NTN1: variants seen among roughly 807,000 people sequenced by gnomAD.
NTN1 encodes netrin-1.
Under a neutral mutation model 54.2 loss-of-function variants are expected in NTN1, and 11 were observed. That is an observed-to-expected ratio of 0.20 (90% CI 0.13 to 0.34). The LOEUF (loss-of-function observed/expected upper bound fraction) is 0.34, where lower values mean the gene tolerates loss of function less well. NTN1 is among the 10% of genes least tolerant of loss of function. The pLI is 1.00. For synonymous variants in NTN1, 371 were observed against 382.0 expected (o/e 0.97, Z 0.33); for missense variants, 740 against 893.1 (o/e 0.83, Z 2.18).
chr17:9,150,959 C>T (rs983803853), intron 2 of NTN1, among the ~76,000 whole-genome samples: 2 of 152,206 alleles, frequency 1.3e-5, no homozygotes, highest in African/African-American at 2.4e-5. Flanking sequence ...ATCCTTAATC[C>T]TGCCCGTGGT....
At chr17:9,073,367 C>T (rs981244931) in intron 2 of NTN1, among the ~76,000 whole-genome samples, 10 of 152,186 alleles carry the variant, frequency 6.6e-5, no homozygotes, top group African/African-American at 1.7e-4. Flanking sequence ...CAAGTCCCCA[C>T]GAGAGTTCTC....
chr17:9,051,993 G>A (rs2091962058), intron 2 of NTN1, among the ~76,000 whole-genome samples: 2 of 150,704 alleles, frequency 1.3e-5, no homozygotes, highest in Non-Finnish European at 2.9e-5. Flanking sequence ...GTGTTTTGAC[G>A]CGGAGTTTCG....
At chr17:9,101,187 C>T (rs960311487) in intron 2 of NTN1, among the ~76,000 whole-genome samples, 13 of 152,176 alleles carry the variant, frequency 8.5e-5, no homozygotes, top group Admixed American at 3.9e-4. Context: ...TCCATGTCTG[C>T]GACCCTAAGA....
intron 5 of NTN1, among the ~76,000 whole-genome samples, chr17:9,213,065 G>A (rs895142242): frequency 2.6e-5 from 4 of 152,234 alleles, no homozygotes; most frequent in Non-Finnish European, 5.9e-5. Context: ...TGGGCCTGCA[G>A]GCCACCTCTT....
At chr17:9,031,904 T>G (rs2091889382) in intron 2 of NTN1, among the ~76,000 whole-genome samples, 1 of 151,652 alleles carries the variant, frequency 6.6e-6, no homozygotes, top group African/African-American at 2.4e-5. Context: ...GAGATTGCAA[T>G]GAGTCGAGAT....
intron 3 of NTN1, among the ~76,000 whole-genome samples, chr17:9,167,940 C>T (rs2092377509): frequency 6.6e-6 from 1 of 152,184 alleles, no homozygotes; most frequent in East Asian, 1.9e-4. Flanking sequence ...TTTGAAAATA[C>T]TGCCGCCTGG....
At chr17:9,119,946 C>T (rs1286417306) in intron 2 of NTN1, among the ~76,000 whole-genome samples, 1 of 152,022 alleles carries the variant, frequency 6.6e-6, no homozygotes, top group Non-Finnish European at 1.5e-5. Context: ...TGTAACTATA[C>T]AGATGTTTTG....
intron 3 of NTN1, chr17:9,171,688 G>A (rs185284571): frequency 6.6e-6 from 1 of 152,402 alleles, no homozygotes; most frequent in East Asian, 1.9e-4. Context: ...CAAGGAAGCT[G>A]AGGGAAGAAC....
At chr17:9,163,255 A>C (rs1347672012) in intron 3 of NTN1, among the ~76,000 whole-genome samples, 3 of 150,700 alleles carry the variant, frequency 2.0e-5, no homozygotes. Context: ...AGGAGAAGAA[A>C]GGAGAAGGTG....
chr17:9,171,353 C>T (rs1315167525), intron 3 of NTN1: 1 of 152,206 alleles, frequency 6.6e-6, no homozygotes, highest in African/African-American at 2.4e-5. Flanking sequence ...GCCCCCCTCT[C>T]CCCACCAGGA....
intron 2 of NTN1, among the ~76,000 whole-genome samples, chr17:9,067,061 G>T (rs1338754655): frequency 6.6e-6 from 1 of 151,526 alleles, no homozygotes; most frequent in African/African-American, 2.4e-5. Flanking sequence ...GAGGTGGGCG[G>T]ATCACATGAG....
At chr17:9,127,679 C>G (rs1335275761) in intron 2 of NTN1, among the ~76,000 whole-genome samples, 3 of 151,072 alleles carry the variant, frequency 2.0e-5, no homozygotes, top group Non-Finnish European at 4.4e-5. Context: ...CCCCAGGCTT[C>G]CTGCAGCTCA....
upstream of NTN1, among the ~76,000 whole-genome samples, chr17:9,016,740 C>T (rs2091832848): frequency 6.6e-6 from 1 of 152,100 alleles, no homozygotes; most frequent in African/African-American, 2.4e-5. Flanking sequence ...TATCAGCCAC[C>T]CACTCCCCTT....
At chr17:9,004,528 G>A in the NTN1 span, among the ~76,000 whole-genome samples, 1 of 152,350 alleles carries the variant, frequency 6.6e-6, no homozygotes, top group East Asian at 1.9e-4. Flanking sequence ...GGGCACGTAC[G>A]GCCTACGGAG....
intron 2 of NTN1, among the ~76,000 whole-genome samples, chr17:9,070,650 G>A (rs1316607591): frequency 4.6e-5 from 7 of 152,182 alleles, no homozygotes; most frequent in Non-Finnish European, 1.0e-4. Flanking sequence ...GGAGTGCAAT[G>A]TTGCGATCTC....
intron 5 of NTN1, among the ~76,000 whole-genome samples, chr17:9,204,066 A>G (rs1904888726): frequency 6.6e-6 from 1 of 152,180 alleles, no homozygotes; most frequent in Non-Finnish European, 1.5e-5. Flanking sequence ...GGTGAGGCTC[A>G]GCTGATGGCA....
At position 9,221,101 on chromosome 17, in the gene NTN1, G is replaced by A. The variant is rs1231562524; in HGVS notation, c.1412-67G>A. On this transcript the variant is annotated intron_variant, in intron 5 of 6. Transcript: ENST00000173229. The surrounding 1 kb of genome is among the most constrained non-coding windows in gnomAD (Gnocchi z 4.5). ...ATTTAGGGAGGCGGCCTCCTACTCTGCCCGCCAGCCTATTCATCGCCAGCC... is the reference window on the plus strand; with the variant it reads ...ATTTAGGGAGGCGGCCTCCTACTCTACCCGCCAGCCTATTCATCGCCAGCC... 1.0e-5 allele frequency: 12 copies of A among 1,167,804 alleles called. No homozygotes were observed. Among genetic ancestry groups the A allele is most frequent in the Non-Finnish European group, 1.5e-5 (12 of 774,374 alleles). 72.3% of individuals were successfully genotyped at this position (1,167,804 alleles called of 1,614,324 possible).
At chr17:9,066,743 T>C (rs962269016) in intron 2 of NTN1, among the ~76,000 whole-genome samples, 5 of 152,120 alleles carry the variant, frequency 3.3e-5, no homozygotes, top group African/African-American at 4.8e-5. Flanking sequence ...TTCACGCCTT[T>C]AATCCCAGCA....
chr17:9,048,667 T>G (rs1325189733), intron 2 of NTN1, among the ~76,000 whole-genome samples: 4 of 151,756 alleles, frequency 2.6e-5, no homozygotes, highest in Admixed American at 6.6e-5. Flanking sequence ...TTTTTTTTTC[T>G]TTTTTTTGAG....
Sources: allele counts gnomAD v4.1 joint callset (sites outside exome capture counted in the v4.1 genomes callset), GRCh38; gene constraint gnomAD v4.1.1; non-coding constraint Gnocchi (gnomAD v3.1); transcripts MANE v1.5; gene names NCBI Gene and HGNC (gene_info 2026-07-23, HGNC 2026-07-21).